GALNTL6: variants seen among roughly 807,000 people sequenced by gnomAD.
The protein encoded by GALNTL6 is polypeptide N-acetylgalactosaminyltransferase like 6.
In GALNTL6, 46 loss-of-function variants were observed where a neutral mutation model predicts 73.7. That is an observed-to-expected ratio of 0.62 (90% confidence interval 0.49 to 0.80). The LOEUF (loss-of-function observed/expected upper bound fraction) is 0.80. Ranked by LOEUF, GALNTL6 falls within the 30% of genes least tolerant of loss-of-function variation. The probability of loss-of-function intolerance (pLI) is 0.00; values close to 1 mark genes in which losing one functional copy is unlikely to be tolerated. For missense variants in GALNTL6, 604 were observed against 755.0 expected (o/e 0.80, Z 2.34); for synonymous variants, 259 against 263.7 (o/e 0.98, Z 0.17).
At chr4:171,869,190 C>T (rs1736065305) in intron 2 of GALNTL6, among the ~76,000 whole-genome samples, 1 of 151,998 alleles carries the variant, frequency 6.6e-6, no homozygotes, top group East Asian at 1.9e-4. Flanking sequence ...ATGCCTTGTC[C>T]CTATCACAGG....
At chr4:172,273,297 C>T (rs1453607650) in intron 3 of GALNTL6, among the ~76,000 whole-genome samples, 1 of 152,066 alleles carries the variant, frequency 6.6e-6, no homozygotes, top group African/African-American at 2.4e-5. Context: ...GTGTGTGCAT[C>T]GTGCATTTTC....
intron 2 of GALNTL6, among the ~76,000 whole-genome samples, chr4:172,116,427 AGAT>A (rs1348384965): frequency 1.3e-5 from 2 of 152,180 alleles, no homozygotes; most frequent in African/African-American, 4.8e-5. Context: ...TGTTATCCCA[AGAT>A]GACTTTTATT....
intron 9 of GALNTL6, among the ~76,000 whole-genome samples, chr4:172,939,721 A>T (rs1171058330): frequency 6.6e-6 from 1 of 152,178 alleles, no homozygotes; most frequent in Non-Finnish European, 1.5e-5. Context: ...CTGGTAGACA[A>T]CACTGGTAGA....
chr4:172,526,907 G>GAAA (rs771536952), intron 5 of GALNTL6, among the ~76,000 whole-genome samples: 141 of 135,850 alleles, frequency 1.0e-3, no homozygotes, highest in East Asian at 7.1e-4. Flanking sequence ...AGTGACATTT[G>GAAA]GCTTCGCTTT....
chr4:172,817,310 A>G lies in GALNTL6; in HGVS notation c.923+3587A>G, dbSNP rs949118339. 3.9e-5 allele frequency among the ~76,000 whole-genome samples: 6 copies of G among 152,044 alleles called. No homozygotes were observed. The South Asian group carries it at 1.0e-3, about 26-fold the overall frequency. On this transcript the variant is annotated intron_variant, in intron 7 of 12. Transcript: ENST00000506823. ...GTGGGGCATGGTGGTGCACGCCTGT[A>G]GTCCCAGCTACTTGGGAAGCTGAGG...
At chr4:172,731,538 T>C (rs1736150743) in intron 5 of GALNTL6, among the ~76,000 whole-genome samples, 1 of 152,096 alleles carries the variant, frequency 6.6e-6, no homozygotes. Context: ...TTAGTCTTAA[T>C]TTCATTTATT....
At chr4:172,316,620 T>C (rs1740548998) in intron 4 of GALNTL6, among the ~76,000 whole-genome samples, 1 of 152,230 alleles carries the variant, frequency 6.6e-6, no homozygotes, top group South Asian at 2.1e-4. Context: ...ATGATTGTTT[T>C]CAGTAGGGTT....
At chr4:171,928,031 A>G (rs1332269957) in intron 2 of GALNTL6, among the ~76,000 whole-genome samples, 2 of 152,210 alleles carry the variant, frequency 1.3e-5, no homozygotes, top group Non-Finnish European at 2.9e-5. Context: ...ATGACTCAGT[A>G]GCCTCTCAAT....
At chr4:172,478,482 C>T (rs565285541) in intron 5 of GALNTL6, among the ~76,000 whole-genome samples, 1 of 152,204 alleles carries the variant, frequency 6.6e-6, no homozygotes, top group African/African-American at 2.4e-5. Flanking sequence ...AAACTGGATC[C>T]ATTTCTCTCA....
intron 5 of GALNTL6, among the ~76,000 whole-genome samples, chr4:172,679,021 T>C (rs1293942616): frequency 6.6e-6 from 1 of 152,186 alleles, no homozygotes; most frequent in Non-Finnish European, 1.5e-5. Flanking sequence ...CATGGCTGTG[T>C]TCCAATTAAA....
chr4:171,856,219 C>T (rs977989108), intron 2 of GALNTL6, among the ~76,000 whole-genome samples: 13 of 152,088 alleles, frequency 8.5e-5, no homozygotes, highest in African/African-American at 2.9e-4. Flanking sequence ...TCTTCCATCT[C>T]AGCCTCCTGA....
At chr4:172,066,194 T>C (rs1223260895) in intron 2 of GALNTL6, among the ~76,000 whole-genome samples, 2 of 152,180 alleles carry the variant, frequency 1.3e-5, no homozygotes, top group Non-Finnish European at 2.9e-5. Flanking sequence ...TCCACTATTA[T>C]AGTATCATAC....
Position 172,854,773 on chromosome 4 carries a change from G to T in GALNTL6, c.924-28017G>T, listed in dbSNP as rs529864189. Among the ~76,000 whole-genome samples the T allele has an allele frequency of 3.9e-5, 6 of 152,122 alleles. No individual in the cohort carries two copies. In the South Asian group the frequency reaches 1.2e-3, roughly 32 times the overall value. ...GTTATTGCTTTTTCACTTTCTGTTGGTGTTGTACTATAGTGAGTTATATGC... is the reference window on the plus strand; with the variant it reads ...GTTATTGCTTTTTCACTTTCTGTTGTTGTTGTACTATAGTGAGTTATATGC... On this transcript the variant is annotated intron_variant, in intron 7 of 12. Transcript: ENST00000506823.
intron 2 of GALNTL6, among the ~76,000 whole-genome samples, chr4:171,933,716 T>TA (rs11433797): frequency 0.044 from 6,713 of 152,086 alleles, 401 homozygotes; most frequent in African/African-American, 0.14. Flanking sequence ...ATTTTACTAA[T>TA]TTTTTTTCTC....
chr4:172,126,548 C>G (rs757147580), intron 2 of GALNTL6, among the ~76,000 whole-genome samples: 1 of 152,160 alleles, frequency 6.6e-6, no homozygotes, highest in Non-Finnish European at 1.5e-5. Flanking sequence ...CAGCTGGCAG[C>G]CTGGAGCGGC....
intron 7 of GALNTL6, among the ~76,000 whole-genome samples, chr4:172,845,224 A>G: frequency 6.7e-6 from 1 of 148,244 alleles, no homozygotes; most frequent in East Asian, 1.9e-4. Context: ...CTCAAAAAAA[A>G]AAAAAAAAAA....
Position 172,281,553 on chromosome 4 carries a change from G to GA in GALNTL6, c.248-30053dup, listed in dbSNP as rs1371755938. On this transcript the variant is annotated intron_variant, in intron 3 of 12. Transcript: ENST00000506823. Reference sequence around the variant, plus strand: ...CTACTAAAAAAAAATACAAAAAAAAGAAAAAAAATTAGCCAGGCATTGTGG... The same window carrying GA: ...CTACTAAAAAAAAATACAAAAAAAAGAAAAAAAAATTAGCCAGGCATTGTGG... Among the ~76,000 whole-genome samples, 27 of 151,580 alleles carry GA rather than the reference G, an allele frequency of 1.8e-4. 1 individual carries two copies. The South Asian group carries it at 4.0e-3, about 22-fold the overall frequency.
At chr4:171,904,537 C>T (rs192473845) in intron 2 of GALNTL6, among the ~76,000 whole-genome samples, 2,168 of 152,152 alleles carry the variant, frequency 0.014, 48 homozygotes, top group African/African-American at 0.044. Flanking sequence ...ATGAAAGTGA[C>T]GGGGAGAATG....
rs1217874476 is a variant in GALNTL6, at chr4:172,727,633, CAT to C, written c.554-81725_554-81724del. Among the ~76,000 whole-genome samples the C allele has an allele frequency of 2.0e-5, 3 of 152,134 alleles. No individual in the cohort carries two copies. In the East Asian group the frequency reaches 5.8e-4, roughly 29 times the overall value. On this transcript the variant is annotated intron_variant, in intron 5 of 12. Transcript: ENST00000506823. ...GTGTGTCACATGCTATTAATTTTTT[CAT>C]ATGTTTTGAACAAGTAACTCAATTT...
Sources: gnomAD v4.1 joint callset for allele counts (sites outside exome capture counted in the v4.1 genomes callset) on GRCh38, gnomAD v4.1.1 for gene constraint, MANE v1.5 for transcripts, NCBI Gene and HGNC (gene_info 2026-07-23, HGNC 2026-07-21) for gene names.